Variants in TNNI3K observed in about 807,000 individuals in gnomAD.
The protein encoded by TNNI3K is TNNI3 interacting kinase, also known as serine/threonine-protein kinase TNNI3K.
TNNI3K carries 140 observed loss-of-function variants against 114.5 expected under a neutral mutation model. That is an observed-to-expected ratio of 1.22 (90% CI 1.07 to 1.41). The LOEUF is 1.41. Among genes scored for constraint, TNNI3K ranks in the 40% most tolerant of loss-of-function variants. TNNI3K has a pLI of 0.00. For missense variants in TNNI3K, 1,125 were observed against 1,007.6 expected (o/e 1.12, Z -1.58); for synonymous variants, 347 against 347.5 (o/e 1.00, Z 0.02).
intron 4 of TNNI3K, among the ~76,000 whole-genome samples, chr1:74,269,126 A>G (rs115233209): frequency 1.2e-3 from 181 of 152,000 alleles, no homozygotes; most frequent in African/African-American, 4.2e-3. Context: ...TCTACCATTT[A>G]TCTCAAAAGT....
chr1:74,436,424 T>C, intron 18 of TNNI3K, 50 bp from the exon 19 acceptor site: 1 of 1,532,410 alleles, frequency 6.5e-7, no homozygotes. Flanking sequence ...ATCTTTTACC[T>C]TGGTTTTAAG....
At position 74,354,026 on chromosome 1, in the gene TNNI3K, C is replaced by T. The variant is rs768997216; in HGVS notation, c.1074C>T (p.Phe358=). 1 of 1,614,038 alleles carries T rather than the reference C, an allele frequency of 6.2e-7. No homozygotes were observed. Among genetic ancestry groups the T allele is most frequent in the Middle Eastern group, 1.6e-4 (1 of 6,062 alleles). The change falls in exon 11 of 25, where the codon TTC becomes TTT. Residue 358 remains phenylalanine, a synonymous_variant. Transcript: ENST00000326637. ...ACGGTCACATTCGCCTGGTTCAGTT[C>T]TTACTGGATAATGGAGCTGATATGA... ...CYHGHIRLVQ[F]LLDNGADMNL...
At chr1:74,327,030 G>T (rs906696834) in intron 5 of TNNI3K, among the ~76,000 whole-genome samples, 1 of 149,772 alleles carries the variant, frequency 6.7e-6, no homozygotes, top group Non-Finnish European at 1.5e-5. Context: ...GCAGTGAGCC[G>T]AGATTGCGCC....
intron 13 of TNNI3K, among the ~76,000 whole-genome samples, chr1:74,368,653 G>T (rs2100518216): frequency 6.6e-6 from 1 of 151,978 alleles, no homozygotes; most frequent in East Asian, 2.0e-4. Flanking sequence ...TGTCATGCAG[G>T]AATAGATCAG....
intron 11 of TNNI3K, among the ~76,000 whole-genome samples, chr1:74,357,790 G>A (rs55985032): frequency 0.069 from 10,466 of 151,896 alleles, 433 homozygotes; most frequent in African/African-American, 0.11. Context: ...CCCCTTCTTC[G>A]TTTCTACTAT....
chr1:74,282,298 AT>A (rs1557472174), intron 5 of TNNI3K, among the ~76,000 whole-genome samples: 1 of 152,070 alleles, frequency 6.6e-6, no homozygotes, highest in Non-Finnish European at 1.5e-5. Flanking sequence ...ACAACTATAC[AT>A]TTCTGTACAA....
intron 21 of TNNI3K, chr1:74,468,379 T>C (rs1178382398): frequency 6.6e-6 from 1 of 152,142 alleles, no homozygotes; most frequent in African/African-American, 2.4e-5. Flanking sequence ...GAAGTTGGCA[T>C]AGATACTCGT....
chr1:74,500,481 G>A (rs1476674465), intron 23 of TNNI3K, among the ~76,000 whole-genome samples: 1 of 150,416 alleles, frequency 6.6e-6, no homozygotes, highest in African/African-American at 2.4e-5. Flanking sequence ...GCGGGCGCCT[G>A]TAGTCCCAGC....
rs558652662 is a variant in TNNI3K, at chr1:74,252,868, C to A, written c.333+2099C>A. Among the ~76,000 whole-genome samples the A allele has an allele frequency of 5.3e-5, 8 of 152,292 alleles. No individual in the cohort carries two copies. In the South Asian group the frequency reaches 1.7e-3, roughly 32 times the overall value. ...TATTGCAAAGAGCTGAACAACAAAG[C>A]TTCCAAAGTGTGGAGGGGCACCCGA... is the stretch of plus-strand genomic sequence containing the variant. On this transcript the variant is annotated intron_variant, in intron 4 of 24. Coordinates refer to ENST00000326637, the MANE Select transcript of TNNI3K (RefSeq NM_015978.3).
At chr1:74,411,414 A>T (rs1243214529) in intron 17 of TNNI3K, among the ~76,000 whole-genome samples, 1 of 152,136 alleles carries the variant, frequency 6.6e-6, no homozygotes, top group African/African-American at 2.4e-5. Context: ...GATAACCCTC[A>T]ATTAGAAATT....
chr1:74,441,885 C>T (rs539670537), intron 20 of TNNI3K, among the ~76,000 whole-genome samples: 42 of 152,174 alleles, frequency 2.8e-4, no homozygotes, highest in Admixed American at 2.1e-3. Context: ...ACATGTTTTG[C>T]AAGGATTTTC....
rs767066524 is a variant in TNNI3K at position 74,367,251 on chromosome 1, T to A, written c.1178-5T>A. 1 of 1,611,028 alleles carries A rather than the reference T, an allele frequency of 6.2e-7. No individual in the cohort carries two copies. ...ACTCTTTGTTCTTTGTATCTTTTCA[T>A]AAAGGGCATGATGCCATTGTCACAC... On this transcript the variant is annotated splice_region_variant and splice_polypyrimidine_tract_variant and intron_variant, in intron 11 of 24. Coordinates refer to ENST00000326637, the MANE Select transcript of TNNI3K (RefSeq NM_015978.3).
At chr1:74,243,351 G>A (rs1014410884) in intron 2 of TNNI3K, among the ~76,000 whole-genome samples, 1 of 152,154 alleles carries the variant, frequency 6.6e-6, no homozygotes, top group African/African-American at 2.4e-5. Flanking sequence ...GCATGGGGCA[G>A]GGAAGAATCT....
intron 2 of TNNI3K, among the ~76,000 whole-genome samples, chr1:74,237,938 T>C (rs959654042): frequency 3.9e-5 from 6 of 151,930 alleles, no homozygotes; most frequent in Admixed American, 3.9e-4. Flanking sequence ...GCAGTGGGAG[T>C]TGTCAAGTCA....
At chr1:74,535,396 G>A (rs1161795439) in intron 23 of TNNI3K, among the ~76,000 whole-genome samples, 6 of 152,158 alleles carry the variant, frequency 3.9e-5, no homozygotes, top group Admixed American at 3.9e-4. Flanking sequence ...TTTGAGTGTG[G>A]GAGGTGAAGA....
At chr1:74,312,457 CAT>C (rs1286438692) in intron 5 of TNNI3K, among the ~76,000 whole-genome samples, 2 of 152,136 alleles carry the variant, frequency 1.3e-5, no homozygotes, top group Admixed American at 1.3e-4. Context: ...GCAAACAAAA[CAT>C]AAGAAAAAGA....
At chr1:74,346,011 C>G (rs1185623603) in intron 9 of TNNI3K, 1 of 152,118 alleles carries the variant, frequency 6.6e-6, no homozygotes, top group African/African-American at 2.4e-5. Context: ...CTTTCTCACA[C>G]CTGGAAAGAA....
chr1:74,300,375 T>C (rs1286113154), intron 5 of TNNI3K, among the ~76,000 whole-genome samples: 1 of 152,204 alleles, frequency 6.6e-6, no homozygotes, highest in Non-Finnish European at 1.5e-5. Flanking sequence ...GGGTTTTCTT[T>C]CAACATAAAC....
intron 21 of TNNI3K, among the ~76,000 whole-genome samples, chr1:74,467,818 A>G (rs1667741686): frequency 6.6e-6 from 1 of 152,154 alleles, no homozygotes; most frequent in Admixed American, 6.6e-5. Context: ...CCCTAATCTA[A>G]GTTTACTGAA....
Sources: gnomAD v4.1 joint callset for allele counts (sites outside exome capture counted in the v4.1 genomes callset) on GRCh38, gnomAD v4.1.1 for gene constraint, MANE v1.5 for transcripts, NCBI Gene and HGNC (gene_info 2026-07-23, HGNC 2026-07-21) for gene names.